BICD1: variants seen among roughly 807,000 people sequenced by gnomAD.
BICD1 encodes protein bicaudal D homolog 1.
A neutral mutation model predicts 92.5 loss-of-function variants in BICD1; 35 were observed. The ratio of observed to expected loss-of-function variants is 0.38; its 90% CI spans 0.29 to 0.50. The LOEUF is 0.50. BICD1 is among the 20% of genes least tolerant of loss of function. The pLI, the probability that BICD1 is intolerant of heterozygous loss-of-function variation, is 0.93. For synonymous variants in BICD1, 429 were observed against 465.1 expected (o/e 0.92, Z 1.00); for missense variants, 950 against 1,189.8 (o/e 0.80, Z 2.97).
At chr12:32,197,854 A>G (rs1387782648) in intron 1 of BICD1, among the ~76,000 whole-genome samples, 2 of 152,128 alleles carry the variant, frequency 1.3e-5, no homozygotes, top group African/African-American at 4.8e-5. Flanking sequence ...ACCTTTATCA[A>G]CAAGCTGTGA....
chr12:32,283,630 A>T (rs552595046), intron 2 of BICD1, among the ~76,000 whole-genome samples: 2 of 152,334 alleles, frequency 1.3e-5, no homozygotes, highest in Admixed American at 1.3e-4. Context: ...GGATCAAAGG[A>T]TAGGAAACGT....
At chr12:32,233,690 G>T (rs1334244821) in intron 2 of BICD1, among the ~76,000 whole-genome samples, 1 of 152,046 alleles carries the variant, frequency 6.6e-6, no homozygotes, top group Non-Finnish European at 1.5e-5. Flanking sequence ...GCTCAATTTG[G>T]TTTCAAACTT....
rs1473432639 is a variant in BICD1, at chr12:32,381,944, G to A, written c.*4317G>A. The A allele has an allele frequency of 1.3e-5, 2 of 152,038 alleles. No individual in the cohort carries two copies. The highest frequency in any genetic ancestry group is 2.4e-5 in the African/African-American group (1 of 41,432). The allele number at this position is 152,038 out of a possible 1,614,324, so 9.4% of individuals were successfully genotyped here. A position where few individuals can be genotyped will look rare whatever the true frequency, so the allele number is the denominator to read the frequency against. ...GAACATAATTCTTCAAAAAGCTGTT[G>A]AACTGGAGTTATGATAGGTTATGAC... On this transcript the variant is annotated 3_prime_UTR_variant, in exon 10 of 10. Transcript: ENST00000652176.
At chr12:32,233,530 TTCC>T (rs1359783631) in intron 2 of BICD1, among the ~76,000 whole-genome samples, 1 of 147,806 alleles carries the variant, frequency 6.8e-6, no homozygotes, top group Non-Finnish European at 1.5e-5. Context: ...TTCTTCCCCC[TTCC>T]TCCTCCTTCC....
chr12:32,325,941 G>A (rs1668913611), intron 4 of BICD1, among the ~76,000 whole-genome samples: 1 of 151,848 alleles, frequency 6.6e-6, no homozygotes, highest in Non-Finnish European at 1.5e-5. Context: ...AAATTAGCTG[G>A]GCGTGGTCGT....
intron 1 of BICD1, among the ~76,000 whole-genome samples, chr12:32,197,296 A>G (rs1198448213): frequency 1.3e-5 from 2 of 152,214 alleles, no homozygotes; most frequent in African/African-American, 4.8e-5. Context: ...GGCTTAAACC[A>G]CTGCACCTGG....
chr12:32,154,830 A>AAGTCACCTTAATC (rs1943392318), intron 1 of BICD1, among the ~76,000 whole-genome samples: 1 of 152,294 alleles, frequency 6.6e-6, no homozygotes, highest in African/African-American at 2.4e-5. Context: ...CTGGTACTCA[A>AAGTCACCTTAATC]AGTCACCTTA....
At chr12:32,299,403 A>T (rs533211360) in intron 3 of BICD1, among the ~76,000 whole-genome samples, 1 of 152,326 alleles carries the variant, frequency 6.6e-6, no homozygotes, top group East Asian at 1.9e-4. Context: ...CTCAGTGGGC[A>T]CCAAAGACTT....
intron 2 of BICD1, among the ~76,000 whole-genome samples, chr12:32,280,917 G>C (rs533690138): frequency 6.6e-6 from 1 of 152,200 alleles, no homozygotes; most frequent in African/African-American, 2.4e-5. Context: ...AAAGGACAAA[G>C]GTCTTGTGGT....
At chr12:32,170,031 G>T (rs1943889410) in intron 1 of BICD1, among the ~76,000 whole-genome samples, 1 of 152,224 alleles carries the variant, frequency 6.6e-6, no homozygotes, top group Non-Finnish European at 1.5e-5. Flanking sequence ...TTTCACACTT[G>T]TTCCCCACAC....
intron 2 of BICD1, among the ~76,000 whole-genome samples, chr12:32,251,470 T>C (rs1204256429): frequency 7.6e-6 from 1 of 131,506 alleles, no homozygotes; most frequent in Non-Finnish European, 1.6e-5. Context: ...ACTGGTTTCT[T>C]CCTGGAGGCT....
In BICD1 at chr12:32,107,103, G is replaced by A. The variant is rs902248941; in HGVS notation, c.-229G>A. The A allele has an allele frequency of 5.6e-6, 3 of 531,814 alleles. No individual in the cohort carries two copies. The highest frequency in any genetic ancestry group is 1.0e-5 in the Non-Finnish European group (3 of 298,956). The allele number at this position is 531,814 out of a possible 1,614,324, so 32.9% of individuals were successfully genotyped here. A position where few individuals can be genotyped will look rare whatever the true frequency, so the allele number is the denominator to read the frequency against. Reference sequence around the variant, plus strand: ...CACATGCGGCGGCCTTTGCCGCCTCGCCCCTGACCCTCTGCCCTGTTCTCC... The same window carrying A: ...CACATGCGGCGGCCTTTGCCGCCTCACCCCTGACCCTCTGCCCTGTTCTCC... On this transcript the variant is annotated 5_prime_UTR_variant, in exon 1 of 10. Coordinates refer to ENST00000652176, the MANE Select transcript of BICD1 (RefSeq NM_001714.4).
At chr12:32,355,647 C>G (rs1320651846) in intron 8 of BICD1, among the ~76,000 whole-genome samples, 1 of 151,920 alleles carries the variant, frequency 6.6e-6, no homozygotes, top group East Asian at 1.9e-4. Context: ...ACTAAAAATA[C>G]AAAAATTAGC....
chr12:32,157,900 C>G (rs889466578), intron 1 of BICD1, among the ~76,000 whole-genome samples: 1 of 152,040 alleles, frequency 6.6e-6, no homozygotes, highest in East Asian at 1.9e-4. Context: ...GTCCTGGCTC[C>G]CCACTATTAG....
At chr12:32,193,141 C>G (rs1170668549) in intron 1 of BICD1, among the ~76,000 whole-genome samples, 1 of 152,150 alleles carries the variant, frequency 6.6e-6, no homozygotes, top group Non-Finnish European at 1.5e-5. Context: ...ACAGAGAAAT[C>G]TTTCACGAAA....
chr12:32,238,343 G>A (rs1946134244), intron 2 of BICD1, among the ~76,000 whole-genome samples: 1 of 152,176 alleles, frequency 6.6e-6, no homozygotes, highest in Non-Finnish European at 1.5e-5. Context: ...TGACTGAATT[G>A]CTGTAATCTC....
chr12:32,374,012 G>C (rs1352156957), intron 9 of BICD1, among the ~76,000 whole-genome samples: 2 of 151,676 alleles, frequency 1.3e-5, no homozygotes, highest in African/African-American at 4.8e-5. Context: ...TCAGGAGTTC[G>C]AGACCAGCCT....
At chr12:32,188,204 C>T (rs1399928621) in intron 1 of BICD1, among the ~76,000 whole-genome samples, 1 of 152,200 alleles carries the variant, frequency 6.6e-6, no homozygotes, top group African/African-American at 2.4e-5. Flanking sequence ...TCCCAAAGTA[C>T]TGGGATTACA....
At chr12:32,143,646 G>A (rs978266170) in intron 1 of BICD1, among the ~76,000 whole-genome samples, 2 of 152,122 alleles carry the variant, frequency 1.3e-5, no homozygotes, top group Non-Finnish European at 2.9e-5. Context: ...TGTACATATA[G>A]CCTGGTGAAC....
Sources: gnomAD v4.1 joint callset for allele counts (sites outside exome capture counted in the v4.1 genomes callset) on GRCh38, gnomAD v4.1.1 for gene constraint, MANE v1.5 for transcripts, NCBI Gene and HGNC (gene_info 2026-07-23, HGNC 2026-07-21) for gene names.